UGT1A10: variants seen among roughly 807,000 people sequenced by gnomAD.
The protein encoded by UGT1A10 is UDP glucuronosyltransferase family 1 member A10.
A neutral mutation model predicts 45.8 loss-of-function variants in UGT1A10; 49 were observed. The observed-to-expected ratio is 1.07, with a 90% CI of 0.85 to 1.36. The LOEUF (loss-of-function observed/expected upper bound fraction) is 1.36, where lower values mean the gene tolerates loss of function less well. UGT1A10 is among the 40% of genes most tolerant of loss of function. The pLI, the probability that UGT1A10 is intolerant of heterozygous loss-of-function variation, is 0.00. For missense variants in UGT1A10, 745 were observed against 668.6 expected, an observed-to-expected ratio of 1.11 and a Z score of -1.26; for synonymous variants, 284 against 249.7, an observed-to-expected ratio of 1.14 and a Z score of -1.29.
chr2:233,729,482 A>G (rs2077866923), intron 1 of UGT1A10: 1 of 1,614,098 alleles, frequency 6.2e-7, no homozygotes, highest in Non-Finnish European at 8.5e-7. Flanking sequence ...ATGTTGAACA[A>G]TATGTCTTTG....
intron 1 of UGT1A10, among the ~76,000 whole-genome samples, chr2:233,724,404 G>C (rs1202271642): frequency 1.4e-5 from 2 of 140,508 alleles, no homozygotes; most frequent in African/African-American, 2.7e-5. Flanking sequence ...CTTCCCAGAT[G>C]GGGTGGCTGC....
intron 1 of UGT1A10, among the ~76,000 whole-genome samples, chr2:233,725,299 C>G (rs59772713): frequency 6.9e-5 from 3 of 43,506 alleles, no homozygotes; most frequent in African/African-American, 2.7e-4. Flanking sequence ...GAGGCAGAGG[C>G]AGAGGCAGAG....
intron 1 of UGT1A10, among the ~76,000 whole-genome samples, chr2:233,670,299 A>G (rs1212968693): frequency 6.6e-6 from 1 of 152,188 alleles, no homozygotes; most frequent in Admixed American, 6.5e-5. Context: ...CAGAGGGGGA[A>G]GAAGTGGAGG....
chr2:233,645,149 T>C (rs944443885), intron 1 of UGT1A10, among the ~76,000 whole-genome samples: 2 of 152,202 alleles, frequency 1.3e-5, no homozygotes, highest in Non-Finnish European at 2.9e-5. Flanking sequence ...AAAGCATCGA[T>C]GAAAGCAATC....
chr2:233,747,281 A>G, intron 1 of UGT1A10: 1 of 1,599,850 alleles, frequency 6.3e-7, no homozygotes, highest in Non-Finnish European at 8.5e-7. Context: ...CTCAGTGCCC[A>G]GCCCTGGGCT....
At chr2:233,682,676 C>T (rs1379122920) in intron 1 of UGT1A10, 16 of 1,613,750 alleles carry the variant, frequency 9.9e-6, no homozygotes, top group Non-Finnish European at 1.3e-5. Flanking sequence ...TCTCTACAGC[C>T]ACACATCAAT....
At chr2:233,706,646 C>T (rs1489245127) in intron 1 of UGT1A10, among the ~76,000 whole-genome samples, 1 of 152,072 alleles carries the variant, frequency 6.6e-6, no homozygotes, top group Non-Finnish European at 1.5e-5. Flanking sequence ...GTGTCTGTGC[C>T]CCATCACTGT....
intron 1 of UGT1A10, among the ~76,000 whole-genome samples, chr2:233,638,792 C>G (rs2073372448): frequency 6.6e-6 from 1 of 152,154 alleles, no homozygotes; most frequent in South Asian, 2.1e-4. Context: ...GTTCAGCCAT[C>G]TCATAGGAAA....
chr2:233,666,786 C>T (rs1326536192), intron 1 of UGT1A10, among the ~76,000 whole-genome samples: 1 of 150,116 alleles, frequency 6.7e-6, no homozygotes, highest in Non-Finnish European at 1.5e-5. Context: ...TCTCCTAATG[C>T]TATCCCTCCC....
chr2:233,735,651 G>A (rs1291646517), intron 1 of UGT1A10, among the ~76,000 whole-genome samples: 3 of 152,276 alleles, frequency 2.0e-5, no homozygotes, highest in Admixed American at 6.5e-5. Context: ...GCTGGTACTG[G>A]TGTTTCTTTC....
intron 1 of UGT1A10, among the ~76,000 whole-genome samples, chr2:233,658,527 T>A (rs565484854): frequency 6.6e-6 from 1 of 152,164 alleles, no homozygotes. Flanking sequence ...CGTGTGACAG[T>A]TTTTCAGACT....
chr2:233,760,739 A>C, intron 1 of UGT1A10: 1 of 1,613,934 alleles, frequency 6.2e-7, no homozygotes, highest in Non-Finnish European at 8.5e-7. Context: ...ATGCTGACGG[A>C]CCCTTTCCTT....
intron 1 of UGT1A10, among the ~76,000 whole-genome samples, chr2:233,724,153 T>C (rs1193924523): frequency 7.3e-3 from 371 of 51,008 alleles, no homozygotes; most frequent in Admixed American, 0.011. Flanking sequence ...GCTGGCCGGG[T>C]GGGGGGGCTG....
intron 1 of UGT1A10, among the ~76,000 whole-genome samples, 156 bp downstream of exon 1, chr2:233,637,533 A>G (rs1422632403): frequency 1.3e-5 from 2 of 152,240 alleles, no homozygotes; most frequent in Non-Finnish European, 1.5e-5. Context: ...GTACTCATCA[A>G]TTATCAAATT....
chr2:233,673,335 A>G (rs1289462932), intron 1 of UGT1A10, among the ~76,000 whole-genome samples: 1 of 152,164 alleles, frequency 6.6e-6, no homozygotes. Context: ...TAATAATTGC[A>G]TAAAATACTT....
intron 1 of UGT1A10, among the ~76,000 whole-genome samples, chr2:233,766,473 C>CA (rs574900488): frequency 1.1e-4 from 17 of 152,240 alleles, no homozygotes; most frequent in African/African-American, 4.1e-4. Context: ...TTTTTATAGG[C>CA]ACATGATGGG....
At chr2:233,756,622 C>T (rs1385853377) in intron 1 of UGT1A10, among the ~76,000 whole-genome samples, 1 of 152,014 alleles carries the variant, frequency 6.6e-6, no homozygotes, top group African/African-American at 2.4e-5. Flanking sequence ...ACTTGCAGGC[C>T]GTGTGTATAG....
chr2:233,667,447 A>G (rs2074101930), intron 1 of UGT1A10, among the ~76,000 whole-genome samples: 1 of 152,236 alleles, frequency 6.6e-6, no homozygotes, highest in Non-Finnish European at 1.5e-5. Context: ...AAACCTAGGC[A>G]TTACCATTCA....
At chr2:233,656,398 T>G (rs1041131765) in intron 1 of UGT1A10, among the ~76,000 whole-genome samples, 3 of 152,210 alleles carry the variant, frequency 2.0e-5, no homozygotes, top group Admixed American at 2.0e-4. Context: ...AAGCAGTATT[T>G]GTGGCTTATG....
Sources: gnomAD v4.1 joint callset for allele counts (sites outside exome capture counted in the v4.1 genomes callset) on GRCh38, gnomAD v4.1.1 for gene constraint, MANE v1.5 for transcripts, NCBI Gene and HGNC (gene_info 2026-07-23, HGNC 2026-07-21) for gene names.